WDFY4: variants seen among roughly 807,000 people sequenced by gnomAD.
The protein encoded by WDFY4 is WDFY family member 4, also known as WD repeat- and FYVE domain-containing protein 4.
A neutral mutation model predicts 351.9 loss-of-function variants in WDFY4; 169 were observed. The observed-to-expected ratio is 0.48, with a 90% CI of 0.42 to 0.55. The LOEUF is 0.55. Among genes scored for constraint, WDFY4 ranks in the 20% least tolerant of loss-of-function variants. WDFY4 has a pLI of 0.00. For synonymous variants in WDFY4, 1,622 were observed against 1,574.6 expected, an observed-to-expected ratio of 1.03 and a Z score of -0.71; for missense variants, 3,803 against 3,935.6, an observed-to-expected ratio of 0.97 and a Z score of 0.90.
Position 48,961,778 on chromosome 10 carries a change from G to A in WDFY4, c.8223+1965G>A, listed in dbSNP as rs899204711. Among the ~76,000 whole-genome samples, 10 of 152,202 alleles carry A rather than the reference G, an allele frequency of 6.6e-5. 1 individual carries two copies. The highest frequency in any genetic ancestry group is 5.9e-4 in the Admixed American group (9 of 15,280). Reference sequence around the variant, plus strand: ...GTTGTTGGAAGACAGCAGTGAAGATGAGGAGTGAGTACAGCTAGATCTCAT... The same window carrying A: ...GTTGTTGGAAGACAGCAGTGAAGATAAGGAGTGAGTACAGCTAGATCTCAT... On this transcript the variant is annotated intron_variant, in intron 53 of 61. Transcript: ENST00000325239.
Position 48,731,446 on chromosome 10 carries a change from G to A in WDFY4, c.1466G>A (p.Ser489Asn). 2 of 1,551,696 alleles carry A rather than the reference G, an allele frequency of 1.3e-6. No individual in the cohort carries two copies. The highest frequency in any genetic ancestry group is 1.7e-6 in the Non-Finnish European group (2 of 1,147,000). Residue 489 changes from serine to asparagine, a missense_variant, in exon 9 of 62, where the codon AGC (serine) becomes AAC (asparagine). By Grantham distance (46) the Ser-to-Asn change is conservative. This residue lies in a region of WDFY4 where 261 missense variants were observed against 330.2 expected (regional missense o/e 0.79). Transcript: ENST00000325239. ...TCCTGCACCCTCATGGCCCTGCAGA[G>A]CATCCTCAGCATCGCTGGTGGGGAC... ...GPSCTLMALQ[S>N]ILSIAGGDPL...
chr10:48,975,808 AAATG>A (rs1327735064), intron 58 of WDFY4, among the ~76,000 whole-genome samples: 1 of 152,068 alleles, frequency 6.6e-6, no homozygotes, highest in Non-Finnish European at 1.5e-5. Context: ...GTAGATAGAT[AAATG>A]AATGGATGGA....
Position 48,970,151 on chromosome 10 carries a change from C to A in WDFY4, c.8790C>A (p.Asn2930Lys), listed in dbSNP as rs543252131. ...TACAGGTCCTGATGACATTCGAGAA[C>A]CTGGCTGCCTGGGGCCGCTGTCTGT... ...GSDKVLMTFE[N>K]LAAWGRCLCA... is the part of the protein sequence containing the mutation. Residue 2930 changes from asparagine (N) to lysine (K), a missense_variant, in exon 57 of 62, where the codon AAC becomes AAA. Asn to Lys is a moderately conservative substitution (Grantham distance 94, BLOSUM62 0). This residue lies in a region of WDFY4 where 3,054 missense variants were observed against 3,148.6 expected (regional missense o/e 0.97). Transcript: ENST00000325239. The A allele has an allele frequency of 7.1e-6, 11 of 1,551,566 alleles. No individual in the cohort carries two copies. Among genetic ancestry groups the A allele is most frequent in the Non-Finnish European group, 9.6e-6 (11 of 1,147,006 alleles).
At chr10:48,851,462 T>C (rs2068954767) in intron 39 of WDFY4, among the ~76,000 whole-genome samples, 2 of 152,246 alleles carry the variant, frequency 1.3e-5, no homozygotes, top group Non-Finnish European at 2.9e-5. Context: ...TGTCCGTTCA[T>C]GGCCAATACA....
intron 44 of WDFY4, among the ~76,000 whole-genome samples, chr10:48,891,255 G>A (rs929354188): frequency 4.6e-5 from 7 of 152,170 alleles, no homozygotes; most frequent in African/African-American, 1.2e-4. Flanking sequence ...CAAGATCTGG[G>A]TTTTGCAGAA....
intron 1 of WDFY4, among the ~76,000 whole-genome samples, chr10:48,708,351 C>G (rs1055819912): frequency 1.3e-5 from 2 of 152,076 alleles, no homozygotes; most frequent in African/African-American, 4.8e-5. Context: ...TGTGTTTGGG[C>G]TAAAAATAAA....
At chr10:48,828,540 G>A (rs773294302) in intron 36 of WDFY4, among the ~76,000 whole-genome samples, 7 of 152,042 alleles carry the variant, frequency 4.6e-5, no homozygotes, top group Non-Finnish European at 8.8e-5. Flanking sequence ...AGCACAGGTG[G>A]GATTTCACAA....
intron 47 of WDFY4, among the ~76,000 whole-genome samples, chr10:48,925,644 G>C (rs1839506802): frequency 6.6e-6 from 1 of 152,196 alleles, no homozygotes; most frequent in Admixed American, 6.5e-5. Context: ...ACAGATTAGA[G>C]GTGCAGAGAT....
At chr10:48,935,644 T>G (rs2133715293) in intron 47 of WDFY4, among the ~76,000 whole-genome samples, 1 of 152,398 alleles carries the variant, frequency 6.6e-6, no homozygotes, top group African/African-American at 2.4e-5. Flanking sequence ...TTGAATTTAA[T>G]TATTTGTTAC....
chr10:48,696,308 G>A (rs2063328564), intron 1 of WDFY4, among the ~76,000 whole-genome samples: 1 of 152,104 alleles, frequency 6.6e-6, no homozygotes. Flanking sequence ...GGCCATGCAG[G>A]GCCCACAGGG....
chr10:48,761,967 C>T (rs974320936), intron 13 of WDFY4, among the ~76,000 whole-genome samples: 1 of 152,190 alleles, frequency 6.6e-6, no homozygotes, highest in South Asian at 2.1e-4. Context: ...AGTTGTGAAC[C>T]TGGTATTGAA....
At position 48,913,064 on chromosome 10, in the gene WDFY4, C is replaced by T. The variant is rs74716021; in HGVS notation, c.7586+11201C>T. Reference sequence around the variant, plus strand: ...AATGCCAGTGATAGTGAGTGTGTGGCGGCATTAGCTGCTTAGGCCACAGTG... The same window carrying T: ...AATGCCAGTGATAGTGAGTGTGTGGTGGCATTAGCTGCTTAGGCCACAGTG... On this transcript the variant is annotated intron_variant, in intron 47 of 61. Coordinates refer to ENST00000325239, the MANE Select transcript of WDFY4 (RefSeq NM_001394531.1). 7.5e-3 allele frequency among the ~76,000 whole-genome samples: 1,135 copies of T among 152,184 alleles called. 21 individuals carry two copies. The highest frequency in any genetic ancestry group is 0.026 in the African/African-American group (1,089 of 41,490).
intron 47 of WDFY4, among the ~76,000 whole-genome samples, chr10:48,939,410 G>A (rs980290701): frequency 9.9e-5 from 15 of 152,182 alleles, no homozygotes; most frequent in African/African-American, 2.9e-4. Flanking sequence ...AAATCAGAGC[G>A]GCTTGCTGTC....
intron 13 of WDFY4, among the ~76,000 whole-genome samples, chr10:48,772,690 TC>T (rs1469304562): frequency 3.4e-5 from 5 of 146,478 alleles, no homozygotes; most frequent in African/African-American, 1.3e-4. Context: ...ATGCTATCCC[TC>T]CCCCTTACCC....
chr10:48,830,726 C>T lies in WDFY4; in HGVS notation c.6367C>T (p.Gln2123Ter), dbSNP rs930137362. Reference protein sequence around the residue: ...DVQHNIQKTVQTLWQQLVAQR... With the variant: ...DVQHNIQKTV ...CCAACACAACATCCAGAAGACAGTGCAGACTCTCTGGCAGCAGCTGGTGGC... is the reference window on the plus strand; with the variant it reads ...CCAACACAACATCCAGAAGACAGTGTAGACTCTCTGGCAGCAGCTGGTGGC... The change falls in exon 38 of 62, where the codon CAG (glutamine) becomes TAG (stop). Residue 2123 changes from glutamine to a stop codon, truncating the protein, a stop_gained. Coordinates refer to ENST00000325239, the MANE Select transcript of WDFY4 (RefSeq NM_001394531.1). LOFTEE classifies it high-confidence loss of function. 6.4e-7 allele frequency: 1 copy of T among 1,551,522 alleles called. No individual in the cohort carries two copies. The highest frequency in any genetic ancestry group is 1.4e-5 in the African/African-American group (1 of 73,042).
At chr10:48,817,185 G>A (rs1251591819) in intron 31 of WDFY4, 60 bp from the exon 32 acceptor site, 44 of 1,531,930 alleles carry the variant, frequency 2.9e-5, no homozygotes, top group Non-Finnish European at 3.7e-5. Flanking sequence ...CAGCTCCTCT[G>A]GTTAGGGAGG....
intron 55 of WDFY4, chr10:48,966,927 ACACACACAGACACCTCTTTCAGG>A: frequency 2.0e-6 from 1 of 496,926 alleles, no homozygotes; most frequent in Non-Finnish European, 3.6e-6. Context: ...TCACACACAT[ACACACACAGACACCTCTTTCAGG>A]CACACACACA....
chr10:48,808,006 G>A, intron 28 of WDFY4, 48 bp downstream of exon 28: 1 of 1,435,282 alleles, frequency 7.0e-7, no homozygotes, highest in Non-Finnish European at 9.3e-7. Context: ...ACCTCATACA[G>A]GGTGTGGCAT....
At chr10:48,904,313 A>G (rs1837507328) in intron 47 of WDFY4, among the ~76,000 whole-genome samples, 1 of 152,212 alleles carries the variant, frequency 6.6e-6, no homozygotes, top group Admixed American at 6.5e-5. Context: ...GGATAGTCCT[A>G]ATTGTGCATA....
Sources: allele counts gnomAD v4.1 joint callset (sites outside exome capture counted in the v4.1 genomes callset), GRCh38; gene constraint gnomAD v4.1.1; regional missense constraint gnomAD v4.1.1; transcripts MANE v1.5; gene names NCBI Gene and HGNC (gene_info 2026-07-23, HGNC 2026-07-21).